WDR59: variants seen among roughly 807,000 people sequenced by gnomAD.
The protein encoded by WDR59 is GATOR2 complex protein WDR59.
In WDR59, 100 loss-of-function variants were observed where a neutral mutation model predicts 131.2. The observed-to-expected ratio is 0.76, with a 90% confidence interval of 0.65 to 0.90. The LOEUF (loss-of-function observed/expected upper bound fraction) is 0.90, where lower values mean the gene tolerates loss of function less well. Ranked by LOEUF, WDR59 falls within the 40% of genes least tolerant of loss-of-function variation. The pLI is 0.00. For synonymous variants in WDR59, 601 were observed against 466.2 expected, an observed-to-expected ratio of 1.29 and a Z score of -3.72; for missense variants, 1,203 against 1,262.2, an observed-to-expected ratio of 0.95 and a Z score of 0.71.
chr16:74,901,345 A>G (rs956860581), intron 18 of WDR59, among the ~76,000 whole-genome samples: 1 of 151,648 alleles, frequency 6.6e-6, no homozygotes, highest in Non-Finnish European at 1.5e-5. Flanking sequence ...ACTCTCACTC[A>G]TTTAAAGCTC....
intron 11 of WDR59, among the ~76,000 whole-genome samples, chr16:74,917,176 G>C (rs1261302897): frequency 3.3e-5 from 5 of 152,210 alleles, no homozygotes; most frequent in African/African-American, 1.2e-4. Context: ...GCTCATGCCA[G>C]GTACTACTGT....
chr16:74,899,669 A>G lies in WDR59; in HGVS notation c.1866+4278T>C, dbSNP rs148223101. The G allele has an allele frequency of 4.5e-4, 577 of 1,287,844 alleles. No individual in the cohort carries two copies. In the African/African-American group the frequency reaches 7.7e-3, roughly 17 times the overall value. The allele number at this position is 1,287,844 out of a possible 1,614,324, so 79.8% of individuals were successfully genotyped here. ...GCCTCGGGTAGAGACAGGATTAGTT[A>G]AGGAGAGCATTTGCACAGCGCACAG... On this transcript the variant is annotated intron_variant, in intron 18 of 25. Transcript: ENST00000262144.
chr16:74,898,866 G>C (rs1453666810), intron 18 of WDR59, among the ~76,000 whole-genome samples: 1 of 152,228 alleles, frequency 6.6e-6, no homozygotes, highest in Non-Finnish European at 1.5e-5. Context: ...GCTTTTGGAA[G>C]GTGGCCCCGT....
At chr16:74,877,648 G>A (rs1430627146) in intron 25 of WDR59, among the ~76,000 whole-genome samples, 5 of 152,106 alleles carry the variant, frequency 3.3e-5, no homozygotes, top group African/African-American at 9.7e-5. Context: ...TGATTCAAGC[G>A]ATTCTTCTGC....
intron 22 of WDR59, 31 bp from the exon 23 acceptor site, chr16:74,887,786 C>G (rs772190403): frequency 1.9e-6 from 3 of 1,596,774 alleles, no homozygotes; most frequent in Non-Finnish European, 2.6e-6. Flanking sequence ...ACCAACAGGA[C>G]TAGCATGAGA....
chr16:74,959,470 A>G (rs568254212), intron 2 of WDR59: 2 of 438,286 alleles, frequency 4.6e-6, no homozygotes, highest in South Asian at 1.6e-5. Flanking sequence ...AACAGAAAGG[A>G]AAAAAGCCTT....
chr16:74,980,176 T>C (rs2034346420), intron 1 of WDR59, among the ~76,000 whole-genome samples: 1 of 151,600 alleles, frequency 6.6e-6, no homozygotes, highest in Non-Finnish European at 1.5e-5. Context: ...TCTTATAGTG[T>C]TAACACTCAT....
At chr16:74,957,159 C>A (rs769585676) in intron 2 of WDR59, among the ~76,000 whole-genome samples, 3 of 150,024 alleles carry the variant, frequency 2.0e-5, no homozygotes, top group Admixed American at 6.7e-5. Flanking sequence ...CAGCTCACTG[C>A]AACCTCCGCT....
At chr16:74,944,344 T>C (rs2032448298) in intron 6 of WDR59, among the ~76,000 whole-genome samples, 1 of 151,338 alleles carries the variant, frequency 6.6e-6, no homozygotes, top group Non-Finnish European at 1.5e-5. Flanking sequence ...CGTGCACCTG[T>C]AATCCCAGCT....
intron 22 of WDR59, 38 bp from the exon 23 acceptor site, chr16:74,887,793 G>A (rs760585409): frequency 1.3e-6 from 2 of 1,575,580 alleles, no homozygotes; most frequent in Non-Finnish European, 1.7e-6. Context: ...GGACTAGCAT[G>A]AGAATACCAT....
intron 1 of WDR59, among the ~76,000 whole-genome samples, chr16:74,976,062 C>T (rs1018277584): frequency 2.0e-5 from 3 of 152,138 alleles, no homozygotes; most frequent in East Asian, 1.9e-4. Context: ...TAGTCACTTA[C>T]ACCAAAAAGT....
chr16:74,899,634 T>G (rs1965452857), intron 18 of WDR59: 2 of 1,249,192 alleles, frequency 1.6e-6, no homozygotes, highest in Admixed American at 4.8e-5. Context: ...AGGTGGCATT[T>G]TATTCTTGGG....
Position 74,923,261 on chromosome 16 carries a change from T to C in WDR59, c.729+665A>G, listed in dbSNP as rs372458991. ...CCAAGGCCATACCAGTATTAAATGA[T>C]AGAGCATGGCCCCCAGCCCAGGTCT... On this transcript the variant is annotated intron_variant, in intron 9 of 25. Coordinates refer to ENST00000262144, the MANE Select transcript of WDR59 (RefSeq NM_030581.4). Among the ~76,000 whole-genome samples, 14 of 152,308 alleles carry C rather than the reference T, an allele frequency of 9.2e-5. 1 individual carries two copies. Among genetic ancestry groups the C allele is most frequent in the Admixed American group, 5.2e-4 (8 of 15,300 alleles).
chr16:74,954,225 A>T (rs2033165063), intron 3 of WDR59, among the ~76,000 whole-genome samples: 2 of 152,034 alleles, frequency 1.3e-5, no homozygotes, highest in African/African-American at 4.8e-5. Context: ...CTGGACCAAC[A>T]CGGAGAAACC....
Position 74,910,037 on chromosome 16 carries a change from G to A in WDR59, c.1390-120C>T, listed in dbSNP as rs1294529553. ...GGCTGGAGTGTAGTGGTACGATCTC[G>A]GCTCATTGCAACCTCTGCCTCCCGT... On this transcript the variant is annotated intron_variant, in intron 14 of 25. Transcript: ENST00000262144. 5.6e-5 allele frequency: 44 copies of A among 791,222 alleles called. 1 individual carries two copies. Among genetic ancestry groups the A allele is most frequent in the South Asian group, 5.4e-4 (25 of 46,334 alleles). The allele number at this position is 791,222 out of a possible 1,614,324, so 49.0% of individuals were successfully genotyped here. A position where few individuals can be genotyped will look rare whatever the true frequency, so the allele number is the denominator to read the frequency against.
chr16:74,929,538 G>A (rs1035829569), intron 8 of WDR59, among the ~76,000 whole-genome samples: 10 of 152,176 alleles, frequency 6.6e-5, no homozygotes, highest in African/African-American at 2.2e-4. Context: ...AATGAACGCT[G>A]GCAAGGATGT....
chr16:74,935,416 T>A (rs2031721929), intron 8 of WDR59, among the ~76,000 whole-genome samples: 1 of 152,102 alleles, frequency 6.6e-6, no homozygotes, highest in Non-Finnish European at 1.5e-5. Flanking sequence ...ATAAGAAAAA[T>A]TCTTTTCTTT....
At position 74,946,637 on chromosome 16, in the gene WDR59, G is replaced by A. The variant is rs190764131; in HGVS notation, c.445+1882C>T. On this transcript the variant is annotated intron_variant, in intron 6 of 25. Coordinates refer to ENST00000262144, the MANE Select transcript of WDR59 (RefSeq NM_030581.4). The stretch of plus-strand genomic sequence containing the variant: ...CTCGGGAGGCGGAGGTGGGAGAAAC[G>A]CTTGAACAACAGGAGGTGGAGGTTG... 3.3e-3 allele frequency among the ~76,000 whole-genome samples: 506 copies of A among 152,124 alleles called. 2 individuals carry two copies. The highest frequency in any genetic ancestry group is 0.011 in the African/African-American group (471 of 41,496).
Position 74,965,822 on chromosome 16 carries a change from C to A in WDR59, c.55G>T (p.Ala19Ser). 1 of 1,614,030 alleles carries A rather than the reference C, an allele frequency of 6.2e-7. No homozygotes were observed. Among genetic ancestry groups the A allele is most frequent in the Admixed American group, 1.7e-5 (1 of 60,002 alleles). Residue 19 changes from alanine (A) to serine (S), a missense_variant and splice_region_variant, in exon 2 of 26, where the codon GCA becomes TCA. Physicochemically the swap from Ala to Ser is moderately conservative, Grantham distance 99. Transcript: ENST00000262144. ...NVVVEFRDSQ[A>S]TAMSVDCLGQ... Reference sequence around the variant, plus strand: ...AGACAGTCCACAGACATCGCAGTTGCCTGAGAGAGAGAACACAGAGTCAGT... The same window carrying A: ...AGACAGTCCACAGACATCGCAGTTGACTGAGAGAGAGAACACAGAGTCAGT...
Sources: allele counts gnomAD v4.1 joint callset (sites outside exome capture counted in the v4.1 genomes callset), GRCh38; gene constraint gnomAD v4.1.1; transcripts MANE v1.5; gene names NCBI Gene and HGNC (gene_info 2026-07-23, HGNC 2026-07-21).